Variants in QKI observed in about 807,000 individuals in gnomAD.
QKI encodes the protein KH domain-containing RNA-binding protein QKI.
Under a neutral mutation model 39.0 loss-of-function variants are expected in QKI, and 10 were observed. That is an observed-to-expected ratio of 0.26 (90% CI 0.16 to 0.43). The LOEUF is 0.43. Ranked by LOEUF, QKI falls within the 20% of genes least tolerant of loss-of-function variation. The probability of loss-of-function intolerance (pLI) is 1.00; values close to 1 mark genes in which losing one functional copy is unlikely to be tolerated. For missense variants in QKI, 218 were observed against 428.0 expected (o/e 0.51, Z 4.33); for synonymous variants, 204 against 155.4 (o/e 1.31, Z -2.33).
At chr6:163,459,099 G>A (rs559904001) in intron 2 of QKI, among the ~76,000 whole-genome samples, 4 of 152,314 alleles carry the variant, frequency 2.6e-5, no homozygotes, top group Admixed American at 2.6e-4. Context: ...AGCCTAGCTT[G>A]ATTGAGGCTA....
intron 7 of QKI, chr6:163,567,834 A>G (rs879880810): frequency 3.0e-6 from 3 of 984,804 alleles, no homozygotes; most frequent in Non-Finnish European, 3.6e-6. Flanking sequence ...TTGTACTTCA[A>G]TTGTACATCT....
intron 7 of QKI, chr6:163,569,574 A>T: frequency 8.8e-7 from 1 of 1,130,788 alleles, no homozygotes. Flanking sequence ...ACAAAGGTTG[A>T]TTAAGGAAGG....
intron 1 of QKI, among the ~76,000 whole-genome samples, chr6:163,446,809 C>T (rs540107646): frequency 1.3e-5 from 2 of 152,310 alleles, no homozygotes; most frequent in South Asian, 4.1e-4. Context: ...AAGTCCCCCG[C>T]TCTGTTCTGT....
intron 3 of QKI, among the ~76,000 whole-genome samples, chr6:163,482,184 C>T (rs755275706): frequency 2.4e-4 from 37 of 151,522 alleles, no homozygotes; most frequent in African/African-American, 3.6e-4. Context: ...GACTCTGTCT[C>T]GGGGGAAAAA....
intron 2 of QKI, 54 bp downstream of exon 2, chr6:163,455,475 A>C: frequency 2.7e-6 from 4 of 1,503,400 alleles, no homozygotes; most frequent in Non-Finnish European, 3.6e-6. Flanking sequence ...ATATGTTGGG[A>C]AGAGATATAT....
chr6:163,423,781 T>C (rs1788193417), intron 1 of QKI, among the ~76,000 whole-genome samples: 2 of 152,378 alleles, frequency 1.3e-5, no homozygotes, highest in South Asian at 4.1e-4. Context: ...GGCTAGAGCC[T>C]CAGTTTTTTG....
chr6:163,567,803 G>C, intron 7 of QKI: 4 of 985,190 alleles, frequency 4.1e-6, no homozygotes, highest in Non-Finnish European at 4.8e-6. Context: ...TCAAATATTA[G>C]TGGAGGAAAA....
chr6:163,484,729 T>C (rs1180178404), intron 3 of QKI, among the ~76,000 whole-genome samples: 1 of 152,204 alleles, frequency 6.6e-6, no homozygotes, highest in Non-Finnish European at 1.5e-5. Flanking sequence ...CACTGTCTTA[T>C]ATGGGCATGG....
chr6:163,535,478 C>A (rs960987724), intron 4 of QKI, among the ~76,000 whole-genome samples: 1 of 151,692 alleles, frequency 6.6e-6, no homozygotes. Context: ...TGTTTCTTAA[C>A]CCTTTAATAT....
At chr6:163,419,043 A>G (rs1286642329) in intron 1 of QKI, among the ~76,000 whole-genome samples, 2 of 152,170 alleles carry the variant, frequency 1.3e-5, no homozygotes, top group Non-Finnish European at 2.9e-5. Context: ...GTGGCTCAGA[A>G]AAAGAGAGCA....
intron 3 of QKI, among the ~76,000 whole-genome samples, chr6:163,508,401 T>C (rs1022519679): frequency 6.6e-6 from 1 of 151,678 alleles, no homozygotes; most frequent in Admixed American, 6.6e-5. Context: ...CAAGAAAAAA[T>C]TACACACCAT....
rs1366237813 is a variant in QKI, at chr6:163,578,314, A to T, written c.*7604A>T. The T allele has an allele frequency of 6.6e-6, 1 of 152,222 alleles. No individual in the cohort carries two copies. The highest frequency in any genetic ancestry group is 1.5e-5 in the Non-Finnish European group (1 of 68,036). 9.4% of individuals were successfully genotyped at this position (152,222 alleles called of 1,614,324 possible). On this transcript the variant is annotated 3_prime_UTR_variant, in exon 8 of 8. Transcript: ENST00000361752. ...TCCACAATTCTTGCAGAACTATTTG[A>T]GTTGATACTAAAGATTTTATGTTCA...
At chr6:163,550,656 G>A (rs1583206067) in intron 4 of QKI, among the ~76,000 whole-genome samples, 1 of 151,866 alleles carries the variant, frequency 6.6e-6, no homozygotes, top group Admixed American at 6.6e-5. Flanking sequence ...CCAACAAAGA[G>A]CTGCTTATGG....
At chr6:163,460,303 A>G (rs1251563883) in intron 2 of QKI, among the ~76,000 whole-genome samples, 1 of 152,234 alleles carries the variant, frequency 6.6e-6, no homozygotes, top group African/African-American at 2.4e-5. Flanking sequence ...GGTCTAGGCC[A>G]TCATGAATAC....
intron 7 of QKI, chr6:163,568,234 AT>A: frequency 1.0e-6 from 1 of 984,534 alleles, no homozygotes; most frequent in Non-Finnish European, 1.2e-6. Flanking sequence ...TCTAAAGAGT[AT>A]TTTAAAGTAG....
At chr6:163,570,004 G>A (rs1296436343) in intron 7 of QKI, 5 of 986,264 alleles carry the variant, frequency 5.1e-6, no homozygotes, top group Non-Finnish European at 6.0e-6. Context: ...CAAAAGGCCT[G>A]GCCATTTTCT....
At chr6:163,449,558 G>T (rs1348686404) in intron 1 of QKI, among the ~76,000 whole-genome samples, 1 of 152,174 alleles carries the variant, frequency 6.6e-6, no homozygotes, top group Non-Finnish European at 1.5e-5. Flanking sequence ...TTTTTCTTCA[G>T]TGTTTTAAAA....
At position 163,513,065 on chromosome 6, in the gene QKI, C is replaced by CT. The variant is rs544247584; in HGVS notation, c.403-21916dup. 6.6e-4 allele frequency among the ~76,000 whole-genome samples: 101 copies of CT among 152,202 alleles called. 3 individuals are homozygous for CT. In the East Asian group the frequency reaches 0.014, roughly 21 times the overall value. ...TTTCATTACAGTATATTGTTATACTCTATTTTATTGTTGTTCATCTCTTAC... is the reference window on the plus strand; with the variant it reads ...TTTCATTACAGTATATTGTTATACTCTTATTTTATTGTTGTTCATCTCTTAC... On this transcript the variant is annotated intron_variant, in intron 3 of 7. Transcript: ENST00000361752.
intron 2 of QKI, among the ~76,000 whole-genome samples, chr6:163,456,896 G>GTGCCTCCC (rs1348977252): frequency 1.3e-5 from 2 of 152,130 alleles, no homozygotes; most frequent in Non-Finnish European, 2.9e-5. Flanking sequence ...CTTGGCATTG[G>GTGCCTCCC]TGCCTCCCAG....
Sources: gnomAD v4.1 joint callset for allele counts (sites outside exome capture counted in the v4.1 genomes callset) on GRCh38, gnomAD v4.1.1 for gene constraint, MANE v1.5 for transcripts, NCBI Gene and HGNC (gene_info 2026-07-23, HGNC 2026-07-21) for gene names.